Variants in AADAT observed in about 807,000 individuals in gnomAD.
The protein encoded by AADAT is aminoadipate aminotransferase.
AADAT carries 25 observed loss-of-function variants against 56.2 expected under a neutral mutation model. The ratio of observed to expected loss-of-function variants is 0.44; its 90% CI spans 0.32 to 0.62. The LOEUF (loss-of-function observed/expected upper bound fraction) is 0.62. AADAT is among the 20% of genes least tolerant of loss of function. The pLI is 0.04. For missense variants in AADAT, 387 were observed against 510.5 expected, an observed-to-expected ratio of 0.76 and a Z score of 2.33; for synonymous variants, 173 against 164.7, an observed-to-expected ratio of 1.05 and a Z score of -0.39.
chr4:170,068,316 T>G (rs1194866515), intron 8 of AADAT, among the ~76,000 whole-genome samples: 3 of 152,150 alleles, frequency 2.0e-5, no homozygotes, highest in African/African-American at 7.2e-5. Flanking sequence ...TTCTATTCTA[T>G]TCATATTCTT....
intron 1 of AADAT, 158 bp downstream of exon 1, chr4:170,089,466 G>GT (rs1732730579): frequency 2.6e-6 from 2 of 779,562 alleles, no homozygotes; most frequent in African/African-American, 1.7e-5. Flanking sequence ...AACAAAGGCT[G>GT]TGTCTATTTC....
intron 5 of AADAT, 56 bp downstream of exon 5, chr4:170,073,080 T>C (rs927114290): frequency 9.6e-6 from 15 of 1,555,636 alleles, no homozygotes; most frequent in Non-Finnish European, 1.1e-5. Context: ...AGTGCTCTTC[T>C]AAAAAGTCAC....
At chr4:170,081,207 G>A (rs1732286140) in intron 3 of AADAT, among the ~76,000 whole-genome samples, 1 of 152,084 alleles carries the variant, frequency 6.6e-6, no homozygotes. Context: ...TCATCAAAAT[G>A]GACCCAGCAG....
intron 3 of AADAT, among the ~76,000 whole-genome samples, chr4:170,082,908 T>TA (rs1199669602): frequency 6.6e-6 from 1 of 151,670 alleles, no homozygotes; most frequent in Non-Finnish European, 1.5e-5. Flanking sequence ...TTAGTAAATT[T>TA]AAAGGGAGAG....
chr4:170,061,166 G>A (rs2111129262), intron 12 of AADAT, among the ~76,000 whole-genome samples, 197 bp from the exon 13 acceptor site: 1 of 152,216 alleles, frequency 6.6e-6, no homozygotes, highest in Admixed American at 6.5e-5. Context: ...AAGTACATCA[G>A]ATTTTCAGGA....
intron 4 of AADAT, 135 bp downstream of exon 4, chr4:170,078,374 T>C (rs1032551078): frequency 1.8e-5 from 9 of 496,486 alleles, no homozygotes; most frequent in African/African-American, 1.8e-4. Context: ...TGCTATTTCA[T>C]TTTTCTGTGG....
intron 4 of AADAT, among the ~76,000 whole-genome samples, chr4:170,077,638 GT>G (rs1732102353): frequency 6.6e-6 from 1 of 152,210 alleles, no homozygotes; most frequent in African/African-American, 2.4e-5. Context: ...GCAGTCAAGA[GT>G]GACTGAGCAC....
chr4:170,070,396 G>A (rs973527919), intron 6 of AADAT, 191 bp downstream of exon 6: 143 of 460,694 alleles, frequency 3.1e-4, no homozygotes, highest in African/African-American at 2.8e-3. Context: ...TACCAAAAAA[G>A]AAAGGTACTA....
chr4:170,087,360 A>T, intron 2 of AADAT, 112 bp from the exon 3 acceptor site: 1 of 984,080 alleles, frequency 1.0e-6, no homozygotes, highest in East Asian at 2.7e-5. Context: ...CTCAATTAAA[A>T]AACCCTCAAA....
intron 4 of AADAT, among the ~76,000 whole-genome samples, chr4:170,075,876 T>C (rs1347003165): frequency 6.6e-6 from 1 of 152,256 alleles, no homozygotes; most frequent in African/African-American, 2.4e-5. Context: ...TTCTTAAAGT[T>C]AAAATGCTTT....
At chr4:170,089,991 C>T (rs371789367), upstream of AADAT, 6 of 185,440 alleles carry the variant, frequency 3.2e-5, no homozygotes, top group East Asian at 6.7e-4. Context: ...TTTGCCCCGC[C>T]GCGGGCCTCG....
chr4:170,064,619 G>T, intron 11 of AADAT, 100 bp downstream of exon 11: 1 of 866,684 alleles, frequency 1.2e-6, no homozygotes, highest in Non-Finnish European at 1.8e-6. Context: ...TTGGCTGGTG[G>T]GCAACAAGAA....
intron 3 of AADAT, among the ~76,000 whole-genome samples, chr4:170,083,443 A>G (rs1025663630): frequency 6.6e-5 from 10 of 152,166 alleles, no homozygotes; most frequent in African/African-American, 2.4e-4. Flanking sequence ...AAGACTTCAA[A>G]TTAACAACCT....
chr4:170,081,438 C>A (rs999090347), intron 3 of AADAT, among the ~76,000 whole-genome samples: 36 of 152,028 alleles, frequency 2.4e-4, no homozygotes, highest in African/African-American at 7.0e-4. Flanking sequence ...AGATAAATAT[C>A]CAGGCCACAG....
chr4:170,073,411 TTTTTC>T lies in AADAT; in HGVS notation c.445-71_445-67del, dbSNP rs1230653010. On this transcript the variant is annotated intron_variant, in intron 4 of 12. Coordinates refer to ENST00000337664, the MANE Select transcript of AADAT (RefSeq NM_016228.4). ...AAATGTAAGTGCTATTGGTTTTTTT[TTTTTC>T]TTTCTAACTAAGAACTTGCTCATTC... The T allele has an allele frequency of 3.8e-5, 54 of 1,424,224 alleles. No homozygotes were observed. The South Asian group carries it at 6.5e-4, about 17-fold the overall frequency. 88.2% of individuals were successfully genotyped at this position (1,424,224 alleles called of 1,614,324 possible). A position where few individuals can be genotyped will look rare whatever the true frequency, so the allele number is the denominator to read the frequency against.
At chr4:170,088,697 G>C in intron 1 of AADAT, 133 bp from the exon 2 acceptor site, 1 of 902,592 alleles carries the variant, frequency 1.1e-6, no homozygotes, top group Admixed American at 2.5e-5. Context: ...TGGTCTAAAT[G>C]TTGGTGCTCC....
At chr4:170,082,299 T>G (rs1481976072) in intron 3 of AADAT, among the ~76,000 whole-genome samples, 1 of 152,156 alleles carries the variant, frequency 6.6e-6, no homozygotes, top group East Asian at 1.9e-4. Context: ...TTTTTTTATG[T>G]TTTTTGCATT....
intron 3 of AADAT, among the ~76,000 whole-genome samples, chr4:170,080,743 CA>C (rs1732258592): frequency 6.6e-6 from 1 of 152,148 alleles, no homozygotes; most frequent in Admixed American, 6.5e-5. Context: ...CTTAAGGTGC[CA>C]CCTTGGAAGA....
At position 170,074,543 on chromosome 4, in the gene AADAT, G is replaced by A. The variant is rs991652421; in HGVS notation, c.445-1198C>T. Among the ~76,000 whole-genome samples the A allele has an allele frequency of 2.6e-5, 4 of 152,090 alleles. No homozygotes were observed. The East Asian group carries it at 5.8e-4, about 22-fold the overall frequency. On this transcript the variant is annotated intron_variant, in intron 4 of 12. Transcript: ENST00000337664. ...TACTGTTGTGTTCATATATAAAACA[G>A]TCACAAGCAGAGGTGATATTAAAAA...
Sources: gnomAD v4.1 joint callset for allele counts (sites outside exome capture counted in the v4.1 genomes callset) on GRCh38, gnomAD v4.1.1 for gene constraint, MANE v1.5 for transcripts, NCBI Gene and HGNC (gene_info 2026-07-23, HGNC 2026-07-21) for gene names.